TRIM31: variants seen among roughly 807,000 people sequenced by gnomAD.
TRIM31 encodes the protein E3 ubiquitin-protein ligase TRIM31.
A neutral mutation model predicts 40.6 loss-of-function variants in TRIM31; 31 were observed. That is an observed-to-expected ratio of 0.76 (90% CI 0.57 to 1.03). The LOEUF (loss-of-function observed/expected upper bound fraction) is 1.03, where lower values mean the gene tolerates loss of function less well. Ranked by LOEUF, TRIM31 falls within the 50% of genes least tolerant of loss-of-function variation. TRIM31 has a pLI of 0.00. For missense variants in TRIM31, 455 were observed against 497.5 expected (o/e 0.91, Z 0.81); for synonymous variants, 164 against 193.9 (o/e 0.85, Z 1.28).
Position 30,103,284 on chromosome 6 carries a change from G to A in TRIM31, c.*252C>T. On this transcript the variant is annotated 3_prime_UTR_variant, in exon 9 of 9. Transcript: ENST00000376734. ...CAGCCAAAGTGATAAGAAGTCAAGC[G>A]TGGGGCGGGTGGCTGGAGATTGTCT... 1 of 612,536 alleles carries A rather than the reference G, an allele frequency of 1.6e-6. No homozygotes were observed. Among genetic ancestry groups the A allele is most frequent in the Non-Finnish European group, 2.8e-6 (1 of 351,028 alleles). 37.9% of individuals were successfully genotyped at this position (612,536 alleles called of 1,614,324 possible). A position where few individuals can be genotyped will look rare whatever the true frequency, so the allele number is the denominator to read the frequency against.
Position 30,112,543 on chromosome 6 carries a change from G to C in TRIM31, c.263C>G (p.Ser88Cys). 6.2e-7 allele frequency: 1 copy of C among 1,613,086 alleles called. No individual in the cohort carries two copies. Among genetic ancestry groups the C allele is most frequent in the South Asian group, 1.1e-5 (1 of 91,084 alleles). ...CGGGCATGTAGCCTCTTTCCTTTTG[G>C]ACTGCACCTCAGAGGCTTGTAGAGC... The part of the protein sequence containing the change: ...IQALQASEVQ[S>C]KRKEATCPRH... The change falls in exon 2 of 9, where the codon TCC (serine) becomes TGC (cysteine). Residue 88 changes from serine (S) to cysteine (C), a missense_variant. Transcript: ENST00000376734.
intron 3 of TRIM31, chr6:30,111,089 T>G: frequency 5.0e-6 from 1 of 199,872 alleles, no homozygotes; most frequent in Non-Finnish European, 1.0e-5. Flanking sequence ...TGGAGTGCAG[T>G]GCACGATCAC....
Position 30,111,746 on chromosome 6 carries a change from G to A in TRIM31, c.418-3C>T, listed in dbSNP as rs1769353890. 1 of 1,614,214 alleles carries A rather than the reference G, an allele frequency of 6.2e-7. No individual in the cohort carries two copies. The highest frequency in any genetic ancestry group is 8.5e-7 in the Non-Finnish European group (1 of 1,180,026). ...TGGATCTGCTCTTGAATCTGCCCCT[G>A]CGGAAAGAGGGCCGTTTGGACAGGC... On this transcript the variant is annotated splice_polypyrimidine_tract_variant and splice_region_variant and intron_variant, in intron 2 of 8. Coordinates refer to ENST00000376734, the MANE Select transcript of TRIM31 (RefSeq NM_007028.5).
intron 5 of TRIM31, among the ~76,000 whole-genome samples, chr6:30,108,565 A>T (rs1357806925): frequency 4.3e-5 from 2 of 46,574 alleles, no homozygotes; most frequent in African/African-American, 1.4e-4. Context: ...ATCTCAAAAA[A>T]AAAAAAAAAA....
chr6:30,109,609 G>A lies in TRIM31; in HGVS notation c.745-561C>T, dbSNP rs563475538. 3.9e-5 allele frequency among the ~76,000 whole-genome samples: 6 copies of A among 152,268 alleles called. No homozygotes were observed. The South Asian group carries it at 6.2e-4, about 16-fold the overall frequency. On this transcript the variant is annotated intron_variant, in intron 4 of 8. Coordinates refer to ENST00000376734, the MANE Select transcript of TRIM31 (RefSeq NM_007028.5). ...TAAATTAAAAATAGAGGCCAGGCAC[G>A]GTGGTTCACGCCTGTAATCCCAGCA... is the stretch of plus-strand genomic sequence containing the variant.
In TRIM31 at chr6:30,103,195, A is replaced by C; in HGVS notation, c.*341T>G. ...TCCTGGCTGAACTGGTGCCTTCGGT[A>C]AACAGCTGCTTAAAGAGTGCGGGGA... is the stretch of plus-strand genomic sequence containing the variant. On this transcript the variant is annotated 3_prime_UTR_variant, in exon 9 of 9. Coordinates refer to ENST00000376734, the MANE Select transcript of TRIM31 (RefSeq NM_007028.5). 2.7e-6 allele frequency: 1 copy of C among 365,652 alleles called. No homozygotes were observed. The highest frequency in any genetic ancestry group is 5.1e-6 in the Non-Finnish European group (1 of 197,758). The allele number at this position is 365,652 out of a possible 1,614,324, so 22.7% of individuals were successfully genotyped here.
At chr6:30,111,064 C>T (rs1298829863) in intron 3 of TRIM31, among the ~76,000 whole-genome samples, 1 of 131,074 alleles carries the variant, frequency 7.6e-6, no homozygotes, top group Non-Finnish European at 1.6e-5. Flanking sequence ...CAGTCTCTCA[C>T]TCTGTCACTC....
At chr6:30,106,428 A>G (rs1768701662) in intron 6 of TRIM31, among the ~76,000 whole-genome samples, 1 of 152,188 alleles carries the variant, frequency 6.6e-6, no homozygotes, top group South Asian at 2.1e-4. Flanking sequence ...TACGTGTTCC[A>G]GACCCAGTCA....
At chr6:30,105,928 G>C (rs1768636861) in intron 6 of TRIM31, among the ~76,000 whole-genome samples, 1 of 152,238 alleles carries the variant, frequency 6.6e-6, no homozygotes, top group African/African-American at 2.4e-5. Flanking sequence ...CTGGATGGCA[G>C]TCCTGCCCTC....
chr6:30,112,360 G>C (rs1769420414), intron 2 of TRIM31, 29 bp downstream of exon 2: 3 of 1,582,138 alleles, frequency 1.9e-6, no homozygotes, highest in Non-Finnish European at 1.7e-6. Context: ...GGCTGATGGG[G>C]GAACAGGGAA....
At chr6:30,110,705 G>A (rs1013972940) in intron 3 of TRIM31, 27 bp from the exon 4 acceptor site, 1 of 1,607,444 alleles carries the variant, frequency 6.2e-7, no homozygotes. Flanking sequence ...GGCAGAGGGT[G>A]AGAGGATGGC....
intron 3 of TRIM31, 54 bp from the exon 4 acceptor site, chr6:30,110,732 G>T: frequency 6.6e-7 from 1 of 1,522,504 alleles, no homozygotes; most frequent in Non-Finnish European, 9.1e-7. Context: ...GGTCCTTCTA[G>T]CCCACTTTAT....
chr6:30,105,772 C>T (rs1768619431), intron 6 of TRIM31: 1 of 152,510 alleles, frequency 6.6e-6, no homozygotes, highest in Non-Finnish European at 1.5e-5. Context: ...CAGTGCAGAG[C>T]TAGCCCCTTT....
chr6:30,107,047 C>T (rs1410708947), intron 6 of TRIM31, among the ~76,000 whole-genome samples: 1 of 152,068 alleles, frequency 6.6e-6, no homozygotes. Context: ...TTGCAGTGAG[C>T]CGAGATTGCG....
intron 6 of TRIM31, 124 bp from the exon 7 acceptor site, chr6:30,105,366 A>C: frequency 2.8e-6 from 2 of 717,024 alleles, no homozygotes; most frequent in Non-Finnish European, 4.7e-6. Context: ...TTTGACTCTC[A>C]TATTCTTATT....
chr6:30,105,406 A>G (rs974551925), intron 6 of TRIM31, 164 bp from the exon 7 acceptor site: 1 of 590,884 alleles, frequency 1.7e-6, no homozygotes, highest in Non-Finnish European at 3.0e-6. Flanking sequence ...CCCTTGAGAG[A>G]TGCCCTTTCT....
In TRIM31 at chr6:30,110,459, G is replaced by A; in HGVS notation, c.733C>T (p.Gln245Ter). Residue 245 changes from glutamine to a stop codon, truncating the protein, a stop_gained, in exon 4 of 9, where the codon CAG (glutamine) becomes TAG (stop). Transcript: ENST00000376734. LOFTEE classifies it high-confidence loss of function. ...LKTKQNMPPR[Q>*]LLEDIKVVLC... Reference sequence around the variant, plus strand: ...CCCAAGGGACTCACCTCCAGCAGCTGCCTGGGTGGCATGTTCTGCTTGGTC... The same window carrying A: ...CCCAAGGGACTCACCTCCAGCAGCTACCTGGGTGGCATGTTCTGCTTGGTC... 1 of 1,614,142 alleles carries A rather than the reference G, an allele frequency of 6.2e-7. No homozygotes were observed. The highest frequency in any genetic ancestry group is 8.5e-7 in the Non-Finnish European group (1 of 1,180,024).
rs1769215566 is a variant in TRIM31, at chr6:30,110,671, A to G, written c.521T>C (p.Val174Ala). The G allele has an allele frequency of 5.6e-6, 9 of 1,614,048 alleles. No individual in the cohort carries two copies. Among genetic ancestry groups the G allele is most frequent in the Non-Finnish European group, 7.6e-6 (9 of 1,179,978 alleles). Residue 174 changes from valine (V) to alanine (A), a missense_variant, in exon 4 of 9, where the codon GTA (valine) becomes GCA (alanine). Transcript: ENST00000376734. ...GAGGATCCTTTGCTTCTCATGTTCT[A>G]CCTGGTCCTAAGAAACAGGGACAGG... ...VHRVDVFTDQ[V>A]EHEKQRILTE...
intron 5 of TRIM31, 67 bp from the exon 6 acceptor site, chr6:30,108,235 G>C (rs1562041119): frequency 8.4e-7 from 1 of 1,195,492 alleles, no homozygotes; most frequent in South Asian, 1.2e-5. Flanking sequence ...GAGGATCTGA[G>C]ATACGCGGTT....
Sources: allele counts gnomAD v4.1 joint callset (sites outside exome capture counted in the v4.1 genomes callset), GRCh38; gene constraint gnomAD v4.1.1; transcripts MANE v1.5; gene names NCBI Gene and HGNC (gene_info 2026-07-23, HGNC 2026-07-21).